PLCB1: variants seen among roughly 807,000 people sequenced by gnomAD.
PLCB1 encodes phospholipase C beta 1.
A neutral mutation model predicts 161.8 loss-of-function variants in PLCB1; 46 were observed. The observed-to-expected ratio is 0.28, with a 90% CI of 0.22 to 0.36. The LOEUF (loss-of-function observed/expected upper bound fraction) is 0.36. Among genes scored for constraint, PLCB1 ranks in the 10% least tolerant of loss-of-function variants. The pLI, the probability that PLCB1 is intolerant of heterozygous loss-of-function variation, is 1.00. For missense variants in PLCB1, 1,016 were observed against 1,472.5 expected (o/e 0.69, Z 5.07); for synonymous variants, 517 against 503.7 (o/e 1.03, Z -0.35).
chr20:8,351,350 C>T (rs1483230410), intron 2 of PLCB1, among the ~76,000 whole-genome samples: 2 of 151,942 alleles, frequency 1.3e-5, no homozygotes, highest in African/African-American at 4.8e-5. Context: ...CAAAATGAGT[C>T]ATAGACATAT....
intron 1 of PLCB1, among the ~76,000 whole-genome samples, chr20:8,144,171 C>A (rs1326154989): frequency 1.3e-5 from 2 of 152,154 alleles, no homozygotes; most frequent in African/African-American, 4.8e-5. Context: ...TGTTTAACAT[C>A]ATTAGTCATT....
chr20:8,492,797 AT>A (rs1218452675), intron 3 of PLCB1, among the ~76,000 whole-genome samples: 2 of 150,510 alleles, frequency 1.3e-5, no homozygotes, highest in African/African-American at 4.9e-5. Flanking sequence ...GAACTGGTAA[AT>A]TTGTTTTCAT....
intron 16 of PLCB1, among the ~76,000 whole-genome samples, chr20:8,725,365 T>G (rs1979879480): frequency 6.6e-6 from 1 of 152,128 alleles, no homozygotes; most frequent in Non-Finnish European, 1.5e-5. Context: ...CCCCTTGTAT[T>G]TGCATGAAGC....
chr20:8,349,745 A>G (rs1195063234), intron 2 of PLCB1, among the ~76,000 whole-genome samples: 1 of 152,216 alleles, frequency 6.6e-6, no homozygotes, highest in African/African-American at 2.4e-5. Context: ...TGAGTAAGAT[A>G]GAGCAATGTG....
At chr20:8,694,362 G>A (rs943412614) in intron 10 of PLCB1, among the ~76,000 whole-genome samples, 1 of 152,162 alleles carries the variant, frequency 6.6e-6, no homozygotes, top group African/African-American at 2.4e-5. Context: ...AATGAACAAT[G>A]AGTTTACCTT....
chr20:8,777,421 G>A (rs1040060502), intron 27 of PLCB1, among the ~76,000 whole-genome samples: 1 of 152,090 alleles, frequency 6.6e-6, no homozygotes, highest in African/African-American at 2.4e-5. Context: ...ATGTTGCTTA[G>A]AAGTCTGGAC....
chr20:8,644,346 T>C (rs1391537283), intron 4 of PLCB1, among the ~76,000 whole-genome samples: 3 of 145,012 alleles, frequency 2.1e-5, no homozygotes, highest in African/African-American at 5.3e-5. Flanking sequence ...ATCTAGGAAG[T>C]GAGGAGCGCC....
chr20:8,298,493 T>G (rs1265472038), intron 2 of PLCB1, among the ~76,000 whole-genome samples: 2 of 151,696 alleles, frequency 1.3e-5, no homozygotes, highest in East Asian at 2.0e-4. Flanking sequence ...ATTTCTAATA[T>G]TTATTTTTTT....
At chr20:8,671,428 T>C (rs1044535361) in intron 9 of PLCB1, among the ~76,000 whole-genome samples, 1 of 152,174 alleles carries the variant, frequency 6.6e-6, no homozygotes, top group African/African-American at 2.4e-5. Flanking sequence ...ATTCATGGGT[T>C]GAGGGATAAA....
chr20:8,662,512 A>G (rs1005656275), intron 9 of PLCB1, among the ~76,000 whole-genome samples: 1 of 142,556 alleles, frequency 7.0e-6, no homozygotes, highest in Non-Finnish European at 1.5e-5. Flanking sequence ...TATGTATAAT[A>G]TATAATTTTT....
intron 3 of PLCB1, among the ~76,000 whole-genome samples, chr20:8,579,421 G>A (rs890556043): frequency 2.6e-5 from 4 of 152,160 alleles, no homozygotes; most frequent in Admixed American, 6.5e-5. Context: ...AGGCAAGCAC[G>A]ACCATGCAGT....
chr20:8,717,550 C>A, intron 13 of PLCB1, 121 bp from the exon 14 acceptor site: 1 of 659,770 alleles, frequency 1.5e-6, no homozygotes, highest in Non-Finnish European at 2.6e-6. Flanking sequence ...GTTTAATGAG[C>A]AGTGTTGAAG....
In PLCB1 at chr20:8,622,655, G is replaced by A. The variant is rs531081686; in HGVS notation, c.247-5639G>A. Among the ~76,000 whole-genome samples the A allele has an allele frequency of 9.2e-5, 14 of 152,210 alleles. No individual in the cohort carries two copies. In the East Asian group the frequency reaches 9.7e-4, roughly 11 times the overall value. On this transcript the variant is annotated intron_variant, in intron 3 of 31. Transcript: ENST00000338037. ...CCTCAGTTGCCCAAAATGGTAAACC[G>A]CTAAATTAACACAGTCTTTAAAGAC...
chr20:8,369,115 A>G (rs1023187338), intron 2 of PLCB1, among the ~76,000 whole-genome samples: 2 of 152,202 alleles, frequency 1.3e-5, no homozygotes, highest in African/African-American at 4.8e-5. Context: ...GCTCCAGTGA[A>G]TTAATTACTG....
intron 2 of PLCB1, among the ~76,000 whole-genome samples, chr20:8,347,183 G>A (rs908315726): frequency 1.3e-5 from 2 of 152,156 alleles, no homozygotes; most frequent in African/African-American, 2.4e-5. Context: ...AACAAATGTG[G>A]TTTACCTTGG....
At chr20:8,336,640 A>G (rs1190582141) in intron 2 of PLCB1, among the ~76,000 whole-genome samples, 2 of 152,174 alleles carry the variant, frequency 1.3e-5, no homozygotes, top group African/African-American at 4.8e-5. Flanking sequence ...CTACACTTTG[A>G]GGAATAGGTG....
At chr20:8,849,849 C>G (rs1986827451) in intron 31 of PLCB1, among the ~76,000 whole-genome samples, 1 of 151,888 alleles carries the variant, frequency 6.6e-6, no homozygotes, top group South Asian at 2.1e-4. Context: ...CTCATATCTA[C>G]TAAAAATACA....
At chr20:8,353,099 A>G (rs1329355105) in intron 2 of PLCB1, among the ~76,000 whole-genome samples, 1 of 152,052 alleles carries the variant, frequency 6.6e-6, no homozygotes, top group Non-Finnish European at 1.5e-5. Context: ...GGGCTCTTGG[A>G]GAAATGGCTG....
intron 2 of PLCB1, among the ~76,000 whole-genome samples, chr20:8,154,746 G>T (rs1329916908): frequency 6.6e-6 from 1 of 152,004 alleles, no homozygotes; most frequent in Non-Finnish European, 1.5e-5. Context: ...TACATGGATT[G>T]CCTATTTATA....
Sources: gnomAD v4.1 joint callset for allele counts (sites outside exome capture counted in the v4.1 genomes callset) on GRCh38, gnomAD v4.1.1 for gene constraint, MANE v1.5 for transcripts, NCBI Gene and HGNC (gene_info 2026-07-23, HGNC 2026-07-21) for gene names.